ESYT2: variants seen among roughly 807,000 people sequenced by gnomAD.
The protein encoded by ESYT2 is extended synaptotagmin 2, also known as extended synaptotagmin-2.
ESYT2 carries 54 observed loss-of-function variants against 107.2 expected under a neutral mutation model. The observed-to-expected ratio is 0.50, with a 90% CI of 0.40 to 0.63. The LOEUF (loss-of-function observed/expected upper bound fraction) is 0.63. Among genes scored for constraint, ESYT2 ranks in the 30% least tolerant of loss-of-function variants. The probability of loss-of-function intolerance (pLI) is 0.00; values close to 1 mark genes in which losing one functional copy is unlikely to be tolerated. For missense variants in ESYT2, 1,020 were observed against 1,094.5 expected (o/e 0.93, Z 0.96); for synonymous variants, 491 against 434.1 (o/e 1.13, Z -1.63).
At chr7:158,773,460 C>A in intron 6 of ESYT2, 64 bp from the exon 7 acceptor site, 1 of 1,533,808 alleles carries the variant, frequency 6.5e-7, no homozygotes, top group Non-Finnish European at 9.0e-7. Context: ...ATCAGGTGCA[C>A]ACAGGCTTGT....
rs527289125 is a variant in ESYT2, at chr7:158,767,596, C to T, written c.924+58G>A. On this transcript the variant is annotated intron_variant, in intron 8 of 22. Transcript: ENST00000275418. ...GTCACAGCACCCAATGCCACACCCG[C>T]AGGCAGGCAGGTCTCCAAGATGTTT... 3.8e-6 allele frequency: 6 copies of T among 1,577,050 alleles called. No homozygotes were observed. In the South Asian group the frequency reaches 7.0e-5, roughly 18 times the overall value.
At chr7:158,738,344 GACAC>G (rs199580275) in intron 19 of ESYT2, among the ~76,000 whole-genome samples, 56,860 of 131,208 alleles carry the variant, frequency 0.43, 14,269 homozygotes, top group Admixed American at 0.56. Flanking sequence ...CACACACACA[GACAC>G]ACACACACAC....
intron 18 of ESYT2, among the ~76,000 whole-genome samples, chr7:158,741,150 A>C (rs1021846522): frequency 6.6e-6 from 1 of 152,190 alleles, no homozygotes; most frequent in Admixed American, 6.5e-5. Context: ...CACAACGGGG[A>C]GGCCAGGGCT....
Position 158,764,339 on chromosome 7 carries a change from T to C in ESYT2, c.1101+338A>G, listed in dbSNP as rs549450187. Among the ~76,000 whole-genome samples the C allele has an allele frequency of 2.6e-5, 4 of 152,290 alleles. No homozygotes were observed. The South Asian group carries it at 8.3e-4, about 32-fold the overall frequency. ...AAAAGCTTGCAAGGAGGTATATAAC[T>C]AACCTCATTTTTGTGTTTACTGCAT... On this transcript the variant is annotated intron_variant, in intron 9 of 22. Transcript: ENST00000275418.
chr7:158,813,782 T>C (rs1353723200), intron 1 of ESYT2, among the ~76,000 whole-genome samples: 1 of 152,136 alleles, frequency 6.6e-6, no homozygotes, highest in East Asian at 1.9e-4. Context: ...TTTAAAAATA[T>C]ACGTTCCTCG....
chr7:158,812,553 C>T (rs1840018790), intron 1 of ESYT2, among the ~76,000 whole-genome samples: 1 of 152,104 alleles, frequency 6.6e-6, no homozygotes, highest in Non-Finnish European at 1.5e-5. Flanking sequence ...TTTGGCATTC[C>T]TCAAAATGTT....
rs1290460606 is a variant in ESYT2 at position 158,782,380 on chromosome 7, A to AGGGAG, written c.747+5623_747+5624insCTCCC. On this transcript the variant is annotated intron_variant, in intron 6 of 22. Coordinates refer to ENST00000275418, the MANE Select transcript of ESYT2 (RefSeq NM_001367773.1). ...CGTGAGTGAACGAGTGTGAGAACAA[A>AGGGAG]GTGAGGTAAGAACGAGAACAAGTGA... Among the ~76,000 whole-genome samples, 40 of 19,534 alleles carry AGGGAG rather than the reference A, an allele frequency of 2.0e-3. 17 individuals carry two copies. Among genetic ancestry groups the AGGGAG allele is most frequent in the Non-Finnish European group, 2.9e-3 (26 of 8,850 alleles). 12.8% of individuals were successfully genotyped at this position (19,534 alleles called of 152,430 possible).
chr7:158,791,823 C>G (rs1839301812), intron 4 of ESYT2, among the ~76,000 whole-genome samples: 1 of 152,178 alleles, frequency 6.6e-6, no homozygotes, highest in Admixed American at 6.5e-5. Flanking sequence ...TGGATGATGA[C>G]TGCTTATCGG....
intron 7 of ESYT2, among the ~76,000 whole-genome samples, chr7:158,772,934 G>T (rs1460278461): frequency 6.7e-6 from 1 of 149,102 alleles, no homozygotes; most frequent in Non-Finnish European, 1.5e-5. Flanking sequence ...GTAGCCATAG[G>T]CTGGAGAGAC....
At chr7:158,736,132 C>T (rs186880371) in intron 20 of ESYT2, among the ~76,000 whole-genome samples, 1 of 152,098 alleles carries the variant, frequency 6.6e-6, no homozygotes, top group South Asian at 2.1e-4. Context: ...CTCCTCCGGG[C>T]TGCGGGTGCC....
At chr7:158,750,771 C>G (rs998422144) in intron 14 of ESYT2, among the ~76,000 whole-genome samples, 1 of 152,218 alleles carries the variant, frequency 6.6e-6, no homozygotes, top group Non-Finnish European at 1.5e-5. Flanking sequence ...TAGCTGAGCA[C>G]AAGTCCTCTG....
Position 158,737,041 on chromosome 7 carries a change from AC to A in ESYT2, c.2399+6del, listed in dbSNP as rs756653279. ...CAGTCTATCCTCAGCTGGATAAAAT[AC>A]CGTACCTTTGATCAAACACTGGATT... is the stretch of plus-strand genomic sequence containing the variant. On this transcript the variant is annotated splice_donor_region_variant and intron_variant, in intron 20 of 22. Coordinates refer to ENST00000275418, the MANE Select transcript of ESYT2 (RefSeq NM_001367773.1). The A allele has an allele frequency of 6.2e-7, 1 of 1,612,840 alleles. No individual in the cohort carries two copies. Among genetic ancestry groups the A allele is most frequent in the Non-Finnish European group, 8.5e-7 (1 of 1,179,114 alleles).
Position 158,829,481 on chromosome 7 carries a change from G to C in ESYT2, c.-63C>G. On this transcript the variant is annotated 5_prime_UTR_variant, in exon 1 of 23. Coordinates refer to ENST00000275418, the MANE Select transcript of ESYT2 (RefSeq NM_001367773.1). ...GGCTGGGTGCTCGCGCTGATCCCGGGCGGCTCAGCCCCGCGCCAGCGCCCC... is the reference window on the plus strand; with the variant it reads ...GGCTGGGTGCTCGCGCTGATCCCGGCCGGCTCAGCCCCGCGCCAGCGCCCC... 8.2e-7 allele frequency: 1 copy of C among 1,215,842 alleles called. No homozygotes were observed. Among genetic ancestry groups the C allele is most frequent in the Non-Finnish European group, 1.0e-6 (1 of 978,196 alleles). 75.3% of individuals were successfully genotyped at this position (1,215,842 alleles called of 1,614,324 possible).
intron 3 of ESYT2, among the ~76,000 whole-genome samples, chr7:158,796,469 A>C (rs896118898): frequency 7.2e-5 from 11 of 152,226 alleles, no homozygotes; most frequent in African/African-American, 2.7e-4. Context: ...TAACATCCCG[A>C]GAGGGGTAAA....
chr7:158,818,671 G>C (rs1037819936), intron 1 of ESYT2, among the ~76,000 whole-genome samples: 7 of 152,200 alleles, frequency 4.6e-5, no homozygotes, highest in African/African-American at 1.7e-4. Flanking sequence ...GTGTTCACTG[G>C]CCTCTCCGCA....
chr7:158,773,135 G>A (rs1229921352), intron 7 of ESYT2, among the ~76,000 whole-genome samples: 1 of 151,946 alleles, frequency 6.6e-6, no homozygotes, highest in Non-Finnish European at 1.5e-5. Context: ...GAGCCCTCCC[G>A]CCCTGGCCCA....
intron 6 of ESYT2, among the ~76,000 whole-genome samples, chr7:158,776,812 T>C (rs1838581191): frequency 6.6e-6 from 1 of 152,176 alleles, no homozygotes. Flanking sequence ...TGTGCTGGCT[T>C]TCAACATGGC....
In ESYT2 at chr7:158,788,394, T is replaced by G; in HGVS notation, c.608A>C (p.Asp203Ala). The G allele has an allele frequency of 6.2e-7, 1 of 1,611,770 alleles. No homozygotes were observed. Residue 203 changes from aspartate (D) to alanine (A), a missense_variant, in exon 5 of 23, where the codon GAT becomes GCT. Transcript: ENST00000275418. ...ACAAAAATATCGTTTGATCTCCAAA[T>G]CAATCTCACAATTTCCTACAAAACT... ...QISFVGNCEIDLEIKRYFCRA... is the reference protein window; with the variant it reads ...QISFVGNCEIALEIKRYFCRA...
chr7:158,822,949 A>C (rs1467073678), intron 1 of ESYT2, among the ~76,000 whole-genome samples: 1 of 152,158 alleles, frequency 6.6e-6, no homozygotes, highest in Non-Finnish European at 1.5e-5. Flanking sequence ...TCCGTAAGCA[A>C]AGGTGTACCT....
Sources: gnomAD v4.1 joint callset for allele counts (sites outside exome capture counted in the v4.1 genomes callset) on GRCh38, gnomAD v4.1.1 for gene constraint, MANE v1.5 for transcripts, NCBI Gene and HGNC (gene_info 2026-07-23, HGNC 2026-07-21) for gene names.